Variants in TEX52 observed in about 807,000 individuals in gnomAD.
TEX52 encodes testis expressed 52, also known as testis-expressed protein 52.
In TEX52, 22 loss-of-function variants were observed where a neutral mutation model predicts 17.6. The observed-to-expected ratio is 1.25, with a 90% confidence interval of 0.89 to 1.78. The LOEUF (loss-of-function observed/expected upper bound fraction) is 1.78. Among genes scored for constraint, TEX52 ranks in the 40% most tolerant of loss-of-function variants. The pLI is 0.00. For missense variants in TEX52, 396 were observed against 372.3 expected, an observed-to-expected ratio of 1.06 and a Z score of -0.52; for synonymous variants, 168 against 147.4, an observed-to-expected ratio of 1.14 and a Z score of -1.01.
downstream of TEX52, chr12:2,848,985 T>G: frequency 2.0e-6 from 1 of 493,336 alleles, no homozygotes; most frequent in Non-Finnish European, 3.6e-6. Flanking sequence ...CCCAGCCTCC[T>G]GGCCGCAGTC....
In TEX52 at chr12:2,851,280, G is replaced by C. The variant is rs958764623; in HGVS notation, c.624-1755C>G. 3.9e-5 allele frequency among the ~76,000 whole-genome samples: 6 copies of C among 152,102 alleles called. No homozygotes were observed. The South Asian group carries it at 1.2e-3, about 32-fold the overall frequency. On this transcript the variant is annotated intron_variant, in intron 2 of 2. Coordinates refer to ENST00000637658, the MANE Select transcript of TEX52 (RefSeq NM_001365174.2). ...GGAGAGTGAGTGAGTGAATGTGAAGGCCTAGGACATTACTGTACACTACTG... is the reference window on the plus strand; with the variant it reads ...GGAGAGTGAGTGAGTGAATGTGAAGCCCTAGGACATTACTGTACACTACTG...
At chr12:2,854,748 C>T (rs2098081862) in intron 2 of TEX52, 148 bp downstream of exon 2, 1 of 835,438 alleles carries the variant, frequency 1.2e-6, no homozygotes, top group Non-Finnish European at 1.8e-6. Flanking sequence ...CCACCTCGTC[C>T]TTCCAGCTAC....
intron 2 of TEX52, among the ~76,000 whole-genome samples, chr12:2,854,487 G>A (rs1345571786): frequency 6.6e-6 from 1 of 152,190 alleles, no homozygotes; most frequent in East Asian, 1.9e-4. Flanking sequence ...TGTACTCCAG[G>A]CCTTCGGGCT....
At position 2,849,078 on chromosome 12, in the gene TEX52, G is replaced by C. The variant is rs1021038573; in HGVS notation, c.*153C>G. 8 of 706,156 alleles carry C rather than the reference G, an allele frequency of 1.1e-5. No individual in the cohort carries two copies. The highest frequency in any genetic ancestry group is 1.8e-5 in the Non-Finnish European group (8 of 436,024). The allele number at this position is 706,156 out of a possible 1,614,324, so 43.7% of individuals were successfully genotyped here. A position where few individuals can be genotyped will look rare whatever the true frequency, so the allele number is the denominator to read the frequency against. Reference sequence around the variant, plus strand: ...TGAATCTCCAATAGCCTGGGGTACAGAGGTGGCTTGAGGCTGGGAGGATGG... The same window carrying C: ...TGAATCTCCAATAGCCTGGGGTACACAGGTGGCTTGAGGCTGGGAGGATGG... On this transcript the variant is annotated 3_prime_UTR_variant, in exon 3 of 3. Transcript: ENST00000637658.
chr12:2,857,035 G>A lies in TEX52; in HGVS notation c.-9C>T, dbSNP rs1240439304. On this transcript the variant is annotated 5_prime_UTR_variant, in exon 1 of 3. Transcript: ENST00000637658. ...TGCCGGTTACTGGCCATTCTTCTGG[G>A]CCTCAGAGCCAGGAGGGGCGGCTTT... 2 of 702,946 alleles carry A rather than the reference G, an allele frequency of 2.8e-6. No individual in the cohort carries two copies. The highest frequency in any genetic ancestry group is 3.0e-5 in the South Asian group (2 of 67,598). The allele number at this position is 702,946 out of a possible 1,614,324, so 43.5% of individuals were successfully genotyped here.
At chr12:2,848,909 ACACT>A, downstream of TEX52, 2 of 367,776 alleles carry the variant, frequency 5.4e-6, no homozygotes, top group Non-Finnish European at 9.9e-6. Context: ...ACACACACAC[ACACT>A]CCTTCCTTCC....
At position 2,855,198 on chromosome 12, in the gene TEX52, G is replaced by A. The variant is rs1603494037; in HGVS notation, c.321C>T (p.Thr107=). 2 of 1,507,460 alleles carry A rather than the reference G, an allele frequency of 1.3e-6. No individual in the cohort carries two copies. The highest frequency in any genetic ancestry group is 1.4e-5 in the African/African-American group (1 of 72,682). 93.4% of individuals were successfully genotyped at this position (1,507,460 alleles called of 1,614,324 possible). A position where few individuals can be genotyped will look rare whatever the true frequency, so the allele number is the denominator to read the frequency against. The change falls in exon 2 of 3, where the codon ACC becomes ACT. Residue 107 remains threonine, a synonymous_variant. Transcript: ENST00000637658. ...AGGGCCTGTCAGGCTGGGTGGGGAA[G>A]GTGGCAGGCAGACGGCACACATCGA... The part of the protein sequence containing the change: ...TWLDVCRLPA[T]FPTQPDRPYD...
At position 2,852,342 on chromosome 12, in the gene TEX52, C is replaced by T. The variant is rs183694051; in HGVS notation, c.623+2554G>A. Among the ~76,000 whole-genome samples, 33 of 152,226 alleles carry T rather than the reference C, an allele frequency of 2.2e-4. 1 individual carries two copies. Among genetic ancestry groups the T allele is most frequent in the African/African-American group, 7.9e-4 (33 of 41,564 alleles). On this transcript the variant is annotated intron_variant, in intron 2 of 2. Coordinates refer to ENST00000637658, the MANE Select transcript of TEX52 (RefSeq NM_001365174.2). The stretch of plus-strand genomic sequence containing the variant: ...GGCCCTGTGCCATTTGACCCTCTAA[C>T]CACCTTAACCACCTGCTGTGGGAAC...
At chr12:2,850,962 A>G (rs920678805) in intron 2 of TEX52, among the ~76,000 whole-genome samples, 2 of 147,394 alleles carry the variant, frequency 1.4e-5, no homozygotes, top group Non-Finnish European at 3.0e-5. Context: ...ATGAGCCAAC[A>G]CACCAGGCCC....
At chr12:2,853,790 G>A (rs1034991998) in intron 2 of TEX52, among the ~76,000 whole-genome samples, 1 of 152,050 alleles carries the variant, frequency 6.6e-6, no homozygotes, top group Non-Finnish European at 1.5e-5. Context: ...TTCCCAGGGT[G>A]GCCGGGAGGG....
At chr12:2,847,763 T>C (rs190975741), downstream of TEX52, among the ~76,000 whole-genome samples, 491 of 152,292 alleles carry the variant, frequency 3.2e-3, 7 homozygotes, top group African/African-American at 0.011. Context: ...CTCTATACGT[T>C]TGCCTATTCT....
chr12:2,849,614 G>C (rs904038986), intron 2 of TEX52, 89 bp from the exon 3 acceptor site: 1 of 1,416,062 alleles, frequency 7.1e-7, no homozygotes, highest in African/African-American at 1.4e-5. Context: ...GGGTGATGCC[G>C]CTGTCCACAA....
downstream of TEX52, chr12:2,848,945 C>G: frequency 2.4e-6 from 1 of 419,432 alleles, no homozygotes; most frequent in Non-Finnish European, 4.3e-6. Context: ...TCCTTAGGAA[C>G]TGGAGCCCCT....
At chr12:2,855,513 C>T (rs565616786) in intron 1 of TEX52, 67 bp from the exon 2 acceptor site, 4 of 1,252,340 alleles carry the variant, frequency 3.2e-6, no homozygotes, top group African/African-American at 1.5e-5. Flanking sequence ...GTGGGTGAGG[C>T]ACTCCGCTCT....
chr12:2,849,833 A>G (rs1040132243), intron 2 of TEX52, among the ~76,000 whole-genome samples: 3 of 152,230 alleles, frequency 2.0e-5, no homozygotes, highest in Non-Finnish European at 4.4e-5. Context: ...CTGTCCTTCA[A>G]GTCTCACCTT....
Position 2,855,293 on chromosome 12 carries a change from T to C in TEX52, c.226A>G (p.Lys76Glu). ...KLPPCTDMKS[K>E]VRQRLIHPWK... ...GGGTGGATGAGCCGCTGACGCACCT[T>C]GGACTTCATATCTGTGCAGGGCGGC... The change falls in exon 2 of 3, where the codon AAG (lysine) becomes GAG (glutamate). Residue 76 changes from lysine to glutamate, a missense_variant. By Grantham distance (56) the Lys-to-Glu change is moderately conservative (BLOSUM62 1). Coordinates refer to ENST00000637658, the MANE Select transcript of TEX52 (RefSeq NM_001365174.2). The C allele has an allele frequency of 2.0e-6, 3 of 1,524,330 alleles. No individual in the cohort carries two copies. The highest frequency in any genetic ancestry group is 2.6e-6 in the Non-Finnish European group (3 of 1,137,752). The allele number at this position is 1,524,330 out of a possible 1,614,324, so 94.4% of individuals were successfully genotyped here. A position where few individuals can be genotyped will look rare whatever the true frequency, so the allele number is the denominator to read the frequency against.
chr12:2,847,893 T>G (rs1332118425), downstream of TEX52, among the ~76,000 whole-genome samples: 7 of 152,232 alleles, frequency 4.6e-5, no homozygotes. Context: ...ATACTCAATT[T>G]CTTTTTATGG....
rs1261873869 is a variant in TEX52, at chr12:2,855,507, G to C, written c.73-61C>G. On this transcript the variant is annotated intron_variant, in intron 1 of 2. Transcript: ENST00000637658. ...TGCAGACAGGGGTGCAGAAAGGTGG[G>C]TGAGGCACTCCGCTCTCCTTCCCAG... 4 of 1,291,324 alleles carry C rather than the reference G, an allele frequency of 3.1e-6. No individual in the cohort carries two copies. In the African/African-American group the frequency reaches 4.5e-5, roughly 14 times the overall value. 80.0% of individuals were successfully genotyped at this position (1,291,324 alleles called of 1,614,324 possible).
At chr12:2,856,455 T>C (rs1192080790) in intron 1 of TEX52, among the ~76,000 whole-genome samples, 4 of 152,156 alleles carry the variant, frequency 2.6e-5, no homozygotes, top group Non-Finnish European at 4.4e-5. Context: ...AACCTCCACC[T>C]CCCGGGTTCA....
Sources: gnomAD v4.1 joint callset for allele counts (sites outside exome capture counted in the v4.1 genomes callset) on GRCh38, gnomAD v4.1.1 for gene constraint, MANE v1.5 for transcripts, NCBI Gene and HGNC (gene_info 2026-07-23, HGNC 2026-07-21) for gene names.